The following ITGBL1 variants were observed in gnomAD, a reference collection of about 807,000 sequenced individuals.
The protein encoded by ITGBL1 is integrin beta-like protein 1.
A neutral mutation model predicts 68.5 loss-of-function variants in ITGBL1; 51 were observed. The ratio of observed to expected loss-of-function variants is 0.74; its 90% CI spans 0.59 to 0.94. The LOEUF is 0.94. Ranked by LOEUF, ITGBL1 falls within the 40% of genes least tolerant of loss-of-function variation. The pLI, the probability that ITGBL1 is intolerant of heterozygous loss-of-function variation, is 0.00. For synonymous variants in ITGBL1, 209 were observed against 227.3 expected (o/e 0.92, Z 0.72); for missense variants, 649 against 647.4 (o/e 1.00, Z -0.03).
intron 10 of ITGBL1, 104 bp downstream of exon 10, chr13:101,714,655 C>A (rs111382410): frequency 2.8e-6 from 2 of 721,182 alleles, no homozygotes; most frequent in African/African-American, 1.8e-5. Flanking sequence ...CAGGGCCAAC[C>A]GTGAATATGA....
intron 7 of ITGBL1, among the ~76,000 whole-genome samples, chr13:101,670,690 A>G (rs1385801605): frequency 2.0e-5 from 3 of 152,176 alleles, no homozygotes; most frequent in African/African-American, 4.8e-5. Flanking sequence ...TTTGACTTCA[A>G]ATTAACTTTG....
chr13:101,494,871 C>T (rs1434706439), intron 2 of ITGBL1, among the ~76,000 whole-genome samples: 11 of 152,180 alleles, frequency 7.2e-5, no homozygotes, highest in Middle Eastern at 6.8e-3. Flanking sequence ...ATATTATAAG[C>T]GCTTTTCTAC....
At chr13:101,656,855 C>T (rs979994123) in intron 7 of ITGBL1, among the ~76,000 whole-genome samples, 9 of 152,018 alleles carry the variant, frequency 5.9e-5, no homozygotes, top group Non-Finnish European at 1.3e-4. Context: ...CAATAAAATA[C>T]ATCTTAAATA....
chr13:101,709,486 C>T (rs987743803), intron 9 of ITGBL1, among the ~76,000 whole-genome samples: 4 of 149,762 alleles, frequency 2.7e-5, no homozygotes, highest in Non-Finnish European at 4.4e-5. Context: ...GGGGAATGAT[C>T]TGTGTATAAA....
chr13:101,477,332 GA>G (rs1200474777), intron 2 of ITGBL1, among the ~76,000 whole-genome samples: 2 of 151,742 alleles, frequency 1.3e-5, no homozygotes, highest in East Asian at 3.9e-4. Flanking sequence ...GGAATACAAT[GA>G]AAACAATACT....
intron 2 of ITGBL1, among the ~76,000 whole-genome samples, chr13:101,528,146 A>G (rs1044995568): frequency 2.0e-5 from 3 of 151,446 alleles, no homozygotes; most frequent in Non-Finnish European, 4.4e-5. Flanking sequence ...ATAAAAATAT[A>G]TATAGGTTTA....
chr13:101,706,323 C>A (rs937386488), intron 8 of ITGBL1, among the ~76,000 whole-genome samples: 3 of 152,108 alleles, frequency 2.0e-5, no homozygotes, highest in Non-Finnish European at 4.4e-5. Context: ...ATGAAAGTTA[C>A]CCTTTTGTTT....
chr13:101,471,075 A>G (rs2048450215), intron 2 of ITGBL1, among the ~76,000 whole-genome samples: 1 of 152,238 alleles, frequency 6.6e-6, no homozygotes, highest in Non-Finnish European at 1.5e-5. Context: ...AAGAAGTATT[A>G]AATCTCTTTT....
intron 9 of ITGBL1, among the ~76,000 whole-genome samples, chr13:101,707,656 G>A (rs1181442804): frequency 2.0e-5 from 3 of 151,468 alleles, no homozygotes; most frequent in East Asian, 2.0e-4. Flanking sequence ...CCTGGCCAAC[G>A]TGGTGAAAAA....
intron 2 of ITGBL1, among the ~76,000 whole-genome samples, chr13:101,526,383 C>T (rs541983962): frequency 6.6e-6 from 1 of 152,090 alleles, no homozygotes; most frequent in South Asian, 2.1e-4. Context: ...TCAACTCCCA[C>T]TTATGTTTAT....
intron 7 of ITGBL1, among the ~76,000 whole-genome samples, chr13:101,625,719 A>C (rs2031749022): frequency 6.6e-6 from 1 of 151,832 alleles, no homozygotes; most frequent in Non-Finnish European, 1.5e-5. Context: ...TGCCCAGCTA[A>C]TTTTTTGTAT....
chr13:101,699,357 G>A (rs1001103871), intron 8 of ITGBL1, among the ~76,000 whole-genome samples: 1 of 152,060 alleles, frequency 6.6e-6, no homozygotes, highest in Non-Finnish European at 1.5e-5. Flanking sequence ...CCAGTATGAC[G>A]TTTATCATTG....
At chr13:101,576,400 C>T (rs1472995959) in intron 4 of ITGBL1, among the ~76,000 whole-genome samples, 3 of 152,140 alleles carry the variant, frequency 2.0e-5, no homozygotes, top group African/African-American at 7.2e-5. Flanking sequence ...AGCCTGTGCC[C>T]AGAGTTCCCA....
intron 2 of ITGBL1, among the ~76,000 whole-genome samples, chr13:101,457,035 G>A (rs928781683): frequency 6.6e-6 from 1 of 152,154 alleles, no homozygotes; most frequent in Admixed American, 6.5e-5. Context: ...TTCTTCATCT[G>A]TAAAATGGGA....
intron 2 of ITGBL1, among the ~76,000 whole-genome samples, chr13:101,490,228 A>G (rs1037277139): frequency 3.9e-5 from 6 of 152,174 alleles, no homozygotes; most frequent in Non-Finnish European, 7.4e-5. Flanking sequence ...TTTCTCCACC[A>G]TGTGAGGGTA....
At chr13:101,636,784 C>T (rs4771406) in intron 7 of ITGBL1, among the ~76,000 whole-genome samples, 1 of 152,100 alleles carries the variant, frequency 6.6e-6, no homozygotes, top group African/African-American at 2.4e-5. Context: ...TCTATCATCT[C>T]TAAAGTTTCT....
chr13:101,547,196 A>T (rs2049840870), intron 2 of ITGBL1, among the ~76,000 whole-genome samples: 1 of 151,364 alleles, frequency 6.6e-6, no homozygotes, highest in African/African-American at 2.4e-5. Flanking sequence ...ATTTATTGCT[A>T]ATTTTTTCTT....
intron 2 of ITGBL1, among the ~76,000 whole-genome samples, chr13:101,555,798 T>TA (rs762534141): frequency 1.4e-4 from 21 of 152,156 alleles, no homozygotes; most frequent in Non-Finnish European, 2.5e-4. Context: ...GTTTGTCTGT[T>TA]AGTTTTGTGG....
At chr13:101,567,638 T>G in intron 2 of ITGBL1, 61 bp from the exon 3 acceptor site, 1 of 1,507,892 alleles carries the variant, frequency 6.6e-7, no homozygotes, top group Non-Finnish European at 9.1e-7. Flanking sequence ...GAGTATGTGT[T>G]ACAGTAGTGG....
Sources: allele counts gnomAD v4.1 joint callset (sites outside exome capture counted in the v4.1 genomes callset), GRCh38; gene constraint gnomAD v4.1.1; transcripts MANE v1.5; gene names NCBI Gene and HGNC (gene_info 2026-07-23, HGNC 2026-07-21).